The following AGBL4 variants were observed in gnomAD, a reference collection of about 807,000 sequenced individuals.
AGBL4 encodes the protein AGBL carboxypeptidase 4.
AGBL4 carries 58 observed loss-of-function variants against 66.4 expected under a neutral mutation model. The observed-to-expected ratio is 0.87, with a 90% confidence interval of 0.71 to 1.09. AGBL4 has a LOEUF of 1.09. Ranked by LOEUF, AGBL4 falls within the 50% of genes least tolerant of loss-of-function variation. The pLI is 0.00. For synonymous variants in AGBL4, 234 were observed against 222.9 expected (o/e 1.05, Z -0.44); for missense variants, 579 against 631.0 (o/e 0.92, Z 0.88).
intron 3 of AGBL4, among the ~76,000 whole-genome samples, chr1:49,657,536 A>G (rs1003115902): frequency 6.6e-6 from 1 of 151,332 alleles, no homozygotes; most frequent in African/African-American, 2.4e-5. Context: ...CCAAAAAAGA[A>G]CCCACATTGC....
intron 1 of AGBL4, among the ~76,000 whole-genome samples, chr1:49,946,353 A>C (rs1269701424): frequency 6.6e-6 from 1 of 152,026 alleles, no homozygotes; most frequent in Non-Finnish European, 1.5e-5. Flanking sequence ...AAATTACATC[A>C]AGCAATCTCT....
At chr1:48,948,187 C>T (rs1656682902) in intron 5 of AGBL4, among the ~76,000 whole-genome samples, 1 of 152,232 alleles carries the variant, frequency 6.6e-6, no homozygotes, top group African/African-American at 2.4e-5. Flanking sequence ...AGGCACACAG[C>T]AAAGCCACGT....
intron 3 of AGBL4, among the ~76,000 whole-genome samples, chr1:49,370,944 G>A (rs1333692820): frequency 6.6e-6 from 1 of 152,108 alleles, no homozygotes; most frequent in East Asian, 1.9e-4. Context: ...CATCCAATCA[G>A]TTGAAAGCCC....
intron 3 of AGBL4, among the ~76,000 whole-genome samples, chr1:49,530,273 C>CAAAA (rs1171374859): frequency 1.8e-5 from 2 of 111,928 alleles, no homozygotes; most frequent in Non-Finnish European, 3.5e-5. Flanking sequence ...AAAAAAAAAA[C>CAAAA]AAAAAAAAAC....
chr1:48,824,818 A>C (rs750939613), intron 6 of AGBL4, among the ~76,000 whole-genome samples: 3 of 152,186 alleles, frequency 2.0e-5, no homozygotes, highest in Non-Finnish European at 2.9e-5. Flanking sequence ...GCAAGCGAGG[A>C]AGCAGATGTG....
At chr1:48,535,658 C>G (rs1027889410) in intron 12 of AGBL4, among the ~76,000 whole-genome samples, 1 of 152,140 alleles carries the variant, frequency 6.6e-6, no homozygotes, top group Non-Finnish European at 1.5e-5. Flanking sequence ...ACTCTATTCC[C>G]CAATACAGAA....
chr1:49,252,966 A>G (rs1652189223), intron 3 of AGBL4, among the ~76,000 whole-genome samples: 1 of 152,188 alleles, frequency 6.6e-6, no homozygotes, highest in African/African-American at 2.4e-5. Flanking sequence ...ACTGAAATAC[A>G]CAGGCCAGTG....
chr1:49,934,071 C>A (rs1186188209), intron 1 of AGBL4, among the ~76,000 whole-genome samples: 2 of 151,854 alleles, frequency 1.3e-5, no homozygotes, highest in Non-Finnish European at 2.9e-5. Context: ...TAAATAAAAA[C>A]AAGGGACAAG....
At chr1:48,588,104 T>C (rs1002247933) in intron 10 of AGBL4, among the ~76,000 whole-genome samples, 27 of 150,584 alleles carry the variant, frequency 1.8e-4, no homozygotes, top group African/African-American at 6.3e-4. Context: ...AGGTTTCCTC[T>C]CTATAGATGA....
At chr1:49,894,867 T>C (rs1281242469) in intron 1 of AGBL4, among the ~76,000 whole-genome samples, 1 of 152,066 alleles carries the variant, frequency 6.6e-6, no homozygotes, top group Non-Finnish European at 1.5e-5. Context: ...AAAGTAATAA[T>C]AGTAGTTTCC....
rs79971539 is a variant in AGBL4, at chr1:49,994,131, C to A, written c.34+29632G>T. 3.0e-3 allele frequency among the ~76,000 whole-genome samples: 449 copies of A among 152,058 alleles called. 24 individuals carry two copies. In the East Asian group the frequency reaches 0.072, roughly 24 times the overall value. ...AATTACTTAATGCTTGCTAACATCACAAAAACAGAAGAAGCCAGACATTAT... is the reference window on the plus strand; with the variant it reads ...AATTACTTAATGCTTGCTAACATCAAAAAAACAGAAGAAGCCAGACATTAT... On this transcript the variant is annotated intron_variant, in intron 1 of 13. Transcript: ENST00000371839.
intron 3 of AGBL4, among the ~76,000 whole-genome samples, chr1:49,623,732 T>A (rs1342043901): frequency 1.3e-5 from 2 of 152,196 alleles, no homozygotes; most frequent in East Asian, 1.9e-4. Context: ...ACATAGATTA[T>A]GTAAGTGTCA....
chr1:48,924,953 C>T (rs1654404229), intron 5 of AGBL4, among the ~76,000 whole-genome samples: 1 of 152,030 alleles, frequency 6.6e-6, no homozygotes, highest in African/African-American at 2.4e-5. Flanking sequence ...GTCCCATAAA[C>T]CCACTGAAAA....
intron 5 of AGBL4, among the ~76,000 whole-genome samples, chr1:49,004,415 A>G (rs1401727102): frequency 6.6e-6 from 1 of 152,246 alleles, no homozygotes; most frequent in Non-Finnish European, 1.5e-5. Context: ...AATGGGCTGA[A>G]TAAAATGAAA....
At chr1:49,905,078 GAT>G (rs1346649559) in intron 1 of AGBL4, among the ~76,000 whole-genome samples, 1 of 152,088 alleles carries the variant, frequency 6.6e-6, no homozygotes, top group African/African-American at 2.4e-5. Context: ...ATTAGAAAAA[GAT>G]ATTTATTTTC....
chr1:49,845,076 C>T, intron 2 of AGBL4: 2 of 1,449,744 alleles, frequency 1.4e-6, no homozygotes, highest in Non-Finnish European at 1.9e-6. Context: ...AGAAACCCTA[C>T]AAATGTCAGG....
chr1:49,316,815 A>G (rs1645047178), intron 3 of AGBL4, among the ~76,000 whole-genome samples: 1 of 151,898 alleles, frequency 6.6e-6, no homozygotes, highest in African/African-American at 2.4e-5. Context: ...AAAAATGCTT[A>G]TATCACTGTT....
chr1:48,863,521 G>A (rs1226555375), intron 6 of AGBL4, among the ~76,000 whole-genome samples: 3 of 151,976 alleles, frequency 2.0e-5, no homozygotes, highest in Admixed American at 1.3e-4. Context: ...AAAGGCAAAG[G>A]TCCAAGGGTA....
rs568280831 is a variant in AGBL4, at chr1:49,215,727, C to T, written c.377+30043G>A. Among the ~76,000 whole-genome samples the T allele has an allele frequency of 3.3e-5, 5 of 152,140 alleles. No individual in the cohort carries two copies. The South Asian group carries it at 1.0e-3, about 32-fold the overall frequency. On this transcript the variant is annotated intron_variant, in intron 4 of 13. Coordinates refer to ENST00000371839, the MANE Select transcript of AGBL4 (RefSeq NM_032785.4). ...TTACAATTCCTCTTCTCTATCTTCA[C>T]CTCGACCGCGTTTGCTCAAGCTTCA...
Sources: allele counts gnomAD v4.1 joint callset (sites outside exome capture counted in the v4.1 genomes callset), GRCh38; gene constraint gnomAD v4.1.1; transcripts MANE v1.5; gene names NCBI Gene and HGNC (gene_info 2026-07-23, HGNC 2026-07-21).